Variants in NSMCE2 observed in about 807,000 individuals in gnomAD.
NSMCE2 encodes the protein E3 SUMO-protein ligase NSE2.
Under a neutral mutation model 23.8 loss-of-function variants are expected in NSMCE2, and 24 were observed. The observed-to-expected ratio is 1.01, with a 90% CI of 0.73 to 1.42. The LOEUF is 1.42. NSMCE2 is among the 40% of genes most tolerant of loss of function. The pLI, the probability that NSMCE2 is intolerant of heterozygous loss-of-function variation, is 0.00. For synonymous variants in NSMCE2, 92 were observed against 94.1 expected (o/e 0.98, Z 0.13); for missense variants, 284 against 296.5 (o/e 0.96, Z 0.31).
At chr8:125,120,719 T>C (rs1819225177) in intron 3 of NSMCE2, among the ~76,000 whole-genome samples, 2 of 152,210 alleles carry the variant, frequency 1.3e-5, no homozygotes. Context: ...AGGCACTGGC[T>C]TTCTCTCTGT....
At chr8:125,112,237 T>C (rs910414494) in intron 3 of NSMCE2, among the ~76,000 whole-genome samples, 10 of 152,142 alleles carry the variant, frequency 6.6e-5, no homozygotes, top group Non-Finnish European at 7.3e-5. Context: ...GTACTAAAAG[T>C]AAAAGGCAAT....
At chr8:125,296,657 A>G (rs1828340567) in intron 5 of NSMCE2, among the ~76,000 whole-genome samples, 1 of 152,110 alleles carries the variant, frequency 6.6e-6, no homozygotes, top group Non-Finnish European at 1.5e-5. Flanking sequence ...TGGCCTCCCA[A>G]AGTGCTGGGA....
At chr8:125,261,721 T>A (rs1053156420) in intron 5 of NSMCE2, among the ~76,000 whole-genome samples, 1 of 151,548 alleles carries the variant, frequency 6.6e-6, no homozygotes, top group African/African-American at 2.4e-5. Flanking sequence ...TCCACTTTGG[T>A]TAAAAGCTAA....
intron 5 of NSMCE2, among the ~76,000 whole-genome samples, chr8:125,219,523 T>C (rs1170482517): frequency 6.6e-6 from 1 of 152,202 alleles, no homozygotes; most frequent in African/African-American, 2.4e-5. Flanking sequence ...CAGCCTGTAT[T>C]GCTACATTTT....
At chr8:125,252,773 G>T (rs891358499) in intron 5 of NSMCE2, among the ~76,000 whole-genome samples, 1 of 152,186 alleles carries the variant, frequency 6.6e-6, no homozygotes, top group African/African-American at 2.4e-5. Context: ...CCTTTAACTT[G>T]TATAAGTCTA....
At chr8:125,100,587 C>T (rs1393846329) in intron 1 of NSMCE2, among the ~76,000 whole-genome samples, 1 of 151,900 alleles carries the variant, frequency 6.6e-6, no homozygotes, top group East Asian at 1.9e-4. Context: ...TTTGAGACCG[C>T]GTCTTGCTCT....
At chr8:125,253,613 A>G (rs1380289628) in intron 5 of NSMCE2, among the ~76,000 whole-genome samples, 3 of 152,196 alleles carry the variant, frequency 2.0e-5, no homozygotes, top group Non-Finnish European at 2.9e-5. Context: ...TTAGTTTGAG[A>G]ATACAGATAA....
chr8:125,150,257 T>C (rs1217042757), intron 3 of NSMCE2, among the ~76,000 whole-genome samples: 1 of 152,176 alleles, frequency 6.6e-6, no homozygotes, highest in Non-Finnish European at 1.5e-5. Flanking sequence ...TACTGTGGGA[T>C]AGTATGTAAC....
intron 3 of NSMCE2, among the ~76,000 whole-genome samples, chr8:125,127,420 C>CA (rs1274793828): frequency 6.6e-6 from 1 of 152,000 alleles, no homozygotes; most frequent in Non-Finnish European, 1.5e-5. Context: ...GTTTAAGAAA[C>CA]AAAAGTATGT....
chr8:125,333,703 C>A (rs546246281), intron 5 of NSMCE2, among the ~76,000 whole-genome samples: 5 of 151,226 alleles, frequency 3.3e-5, no homozygotes, highest in Non-Finnish European at 5.9e-5. Flanking sequence ...TTAGTAGAGA[C>A]GGGGTTTCAC....
intron 5 of NSMCE2, among the ~76,000 whole-genome samples, chr8:125,338,537 C>T (rs1308415492): frequency 6.6e-6 from 1 of 152,150 alleles, no homozygotes; most frequent in Non-Finnish European, 1.5e-5. Context: ...ACCAATGGTC[C>T]TTTTCTGAAT....
At chr8:125,171,488 G>A (rs1199289883) in intron 4 of NSMCE2, among the ~76,000 whole-genome samples, 3 of 152,116 alleles carry the variant, frequency 2.0e-5, no homozygotes, top group African/African-American at 7.2e-5. Flanking sequence ...CAATAGCATA[G>A]GATGTATTCA....
chr8:125,309,205 G>A (rs1180614148), intron 5 of NSMCE2, among the ~76,000 whole-genome samples: 2 of 138,194 alleles, frequency 1.4e-5, no homozygotes, highest in East Asian at 2.1e-4. Flanking sequence ...CCGAGATCAC[G>A]CCATTCAACT....
At chr8:125,321,579 T>G (rs780582748) in intron 5 of NSMCE2, among the ~76,000 whole-genome samples, 21 of 152,330 alleles carry the variant, frequency 1.4e-4, no homozygotes, top group Non-Finnish European at 5.9e-5. Context: ...GGCAAAGTTA[T>G]TATAAGAAAA....
chr8:125,366,475 G>A (rs757838000), intron 7 of NSMCE2, among the ~76,000 whole-genome samples: 17 of 152,082 alleles, frequency 1.1e-4, no homozygotes, highest in Non-Finnish European at 1.8e-4. Flanking sequence ...GGGAGGCGGA[G>A]CTTGCAGTGA....
chr8:125,288,538 C>T (rs1458565093), intron 5 of NSMCE2, among the ~76,000 whole-genome samples: 1 of 152,194 alleles, frequency 6.6e-6, no homozygotes, highest in Non-Finnish European at 1.5e-5. Flanking sequence ...AATCTGGCCT[C>T]TCTCTATGTC....
chr8:125,341,732 AAG>A (rs1830256668), intron 5 of NSMCE2, among the ~76,000 whole-genome samples: 1 of 151,998 alleles, frequency 6.6e-6, no homozygotes, highest in Admixed American at 6.6e-5. Context: ...TACCCTCCCG[AAG>A]TCCATTCTTG....
rs573982247 is a variant in NSMCE2 at position 125,110,917 on chromosome 8, C to T, written c.157+8430C>T. Among the ~76,000 whole-genome samples the T allele has an allele frequency of 2.0e-4, 30 of 151,908 alleles. No individual in the cohort carries two copies. In the East Asian group the frequency reaches 3.3e-3, roughly 17 times the overall value. ...GCTGGGACCTTTCAGGGCCTTTGTACTGACCCTAGACTGTCTACTTTCAGT... is the reference window on the plus strand; with the variant it reads ...GCTGGGACCTTTCAGGGCCTTTGTATTGACCCTAGACTGTCTACTTTCAGT... On this transcript the variant is annotated intron_variant, in intron 3 of 7. Transcript: ENST00000287437.
At chr8:125,119,045 A>G (rs1221155088) in intron 3 of NSMCE2, among the ~76,000 whole-genome samples, 1 of 152,176 alleles carries the variant, frequency 6.6e-6, no homozygotes, top group African/African-American at 2.4e-5. Context: ...CAGTTTTAGA[A>G]TGTCAAAAAG....
Sources: gnomAD v4.1 joint callset for allele counts (sites outside exome capture counted in the v4.1 genomes callset) on GRCh38, gnomAD v4.1.1 for gene constraint, MANE v1.5 for transcripts, NCBI Gene and HGNC (gene_info 2026-07-23, HGNC 2026-07-21) for gene names.